The following GTF2F2 variants were observed in gnomAD, a reference collection of about 807,000 sequenced individuals.
GTF2F2 encodes ATP-dependent helicase GTF2F2.
In GTF2F2, 23 loss-of-function variants were observed where a neutral mutation model predicts 42.2. The observed-to-expected ratio is 0.55, with a 90% CI of 0.39 to 0.77. The LOEUF (loss-of-function observed/expected upper bound fraction) is 0.77, where lower values mean the gene tolerates loss of function less well. GTF2F2 is among the 30% of genes least tolerant of loss of function. The probability of loss-of-function intolerance (pLI) is 0.00; values close to 1 mark genes in which losing one functional copy is unlikely to be tolerated. For missense variants in GTF2F2, 261 were observed against 287.2 expected (o/e 0.91, Z 0.66); for synonymous variants, 105 against 100.8 (o/e 1.04, Z -0.25).
intron 5 of GTF2F2, among the ~76,000 whole-genome samples, chr13:45,244,546 T>C (rs2138237754): frequency 6.6e-6 from 1 of 152,360 alleles, no homozygotes; most frequent in Non-Finnish European, 1.5e-5. Flanking sequence ...ACTTACTCTT[T>C]AGATAATAAT....
chr13:45,218,191 G>T (rs1282301568), intron 5 of GTF2F2, among the ~76,000 whole-genome samples: 14 of 152,190 alleles, frequency 9.2e-5, no homozygotes, highest in Admixed American at 9.2e-4. Context: ...GGCCAAATGG[G>T]CAGATCTGAC....
chr13:45,187,944 T>A (rs1314083347), intron 4 of GTF2F2, among the ~76,000 whole-genome samples: 1 of 152,242 alleles, frequency 6.6e-6, no homozygotes. Flanking sequence ...AGTCTCACTC[T>A]GTTGCCCAGG....
At chr13:45,242,935 T>C (rs1333600158) in intron 5 of GTF2F2, among the ~76,000 whole-genome samples, 2 of 152,330 alleles carry the variant, frequency 1.3e-5, no homozygotes, top group East Asian at 1.9e-4. Flanking sequence ...GTCTTACCAG[T>C]GTTCATCCTG....
intron 4 of GTF2F2, among the ~76,000 whole-genome samples, chr13:45,166,189 A>T (rs1871290880): frequency 6.6e-6 from 1 of 152,242 alleles, no homozygotes; most frequent in African/African-American, 2.4e-5. Flanking sequence ...ACCTAAAAAA[A>T]TTAACAATTC....
At chr13:45,170,706 T>C (rs17066504) in intron 4 of GTF2F2, among the ~76,000 whole-genome samples, 6,962 of 152,250 alleles carry the variant, frequency 0.046, 499 homozygotes, top group African/African-American at 0.15. Context: ...GACTAGGGGC[T>C]GCAGTCAGAG....
At chr13:45,126,991 A>G (rs557535310) in intron 1 of GTF2F2, among the ~76,000 whole-genome samples, 2 of 152,204 alleles carry the variant, frequency 1.3e-5, no homozygotes, top group Admixed American at 1.3e-4. Context: ...ACACAGATAC[A>G]TCGTAAGTGA....
chr13:45,148,234 T>A (rs1242250354), intron 2 of GTF2F2, among the ~76,000 whole-genome samples: 1 of 152,200 alleles, frequency 6.6e-6, no homozygotes, highest in African/African-American at 2.4e-5. Flanking sequence ...TCTGTATATA[T>A]TTTCTAGTGC....
intron 5 of GTF2F2, among the ~76,000 whole-genome samples, chr13:45,243,475 C>A (rs995100456): frequency 6.6e-6 from 1 of 152,308 alleles, no homozygotes; most frequent in East Asian, 1.9e-4. Flanking sequence ...ATTTGCCACA[C>A]CCTCCACGCT....
chr13:45,155,393 G>A (rs1360463596), intron 4 of GTF2F2, among the ~76,000 whole-genome samples: 1 of 152,158 alleles, frequency 6.6e-6, no homozygotes, highest in Non-Finnish European at 1.5e-5. Context: ...ATAAAATGTA[G>A]AGTTTGTAAG....
chr13:45,237,228 C>A (rs894093807), intron 5 of GTF2F2, among the ~76,000 whole-genome samples: 1 of 152,128 alleles, frequency 6.6e-6, no homozygotes, highest in African/African-American at 2.4e-5. Flanking sequence ...CTTCCATGAA[C>A]ATTGCATGTT....
intron 2 of GTF2F2, among the ~76,000 whole-genome samples, chr13:45,141,541 G>T (rs1869926369): frequency 6.6e-6 from 1 of 152,186 alleles, no homozygotes; most frequent in Non-Finnish European, 1.5e-5. Flanking sequence ...AGATGTGTGT[G>T]TAGGGGTAGG....
intron 4 of GTF2F2, among the ~76,000 whole-genome samples, chr13:45,158,098 T>C (rs1870854518): frequency 6.6e-6 from 1 of 152,196 alleles, no homozygotes; most frequent in Non-Finnish European, 1.5e-5. Flanking sequence ...GGATACCACT[T>C]GATATGGTTT....
intron 5 of GTF2F2, among the ~76,000 whole-genome samples, 155 bp downstream of exon 5, chr13:45,207,660 T>G (rs1873473303): frequency 6.6e-6 from 1 of 152,234 alleles, no homozygotes; most frequent in Non-Finnish European, 1.5e-5. Context: ...AAGAGTTTCT[T>G]TGGCACTAAA....
chr13:45,205,100 A>T (rs1873359257), intron 4 of GTF2F2, among the ~76,000 whole-genome samples: 1 of 152,232 alleles, frequency 6.6e-6, no homozygotes, highest in South Asian at 2.1e-4. Context: ...GCATTCACTT[A>T]GTAAAAGGTA....
intron 4 of GTF2F2, among the ~76,000 whole-genome samples, chr13:45,152,703 A>G (rs1452264339): frequency 4.6e-5 from 7 of 152,344 alleles, no homozygotes; most frequent in Admixed American, 6.5e-5. Context: ...TAACAGTTCA[A>G]TAGATCAGAA....
intron 1 of GTF2F2, among the ~76,000 whole-genome samples, chr13:45,131,245 G>C (rs954434494): frequency 1.3e-5 from 2 of 151,862 alleles, no homozygotes; most frequent in African/African-American, 4.8e-5. Flanking sequence ...GAAGAGGGGG[G>C]ATCCAAGGAC....
At chr13:45,219,638 T>C (rs1874029101) in intron 5 of GTF2F2, 1 of 152,230 alleles carries the variant, frequency 6.6e-6, no homozygotes, top group African/African-American at 2.4e-5. Flanking sequence ...TTAAATGATT[T>C]TACGAGTCTG....
chr13:45,266,071 AG>A (rs1876548344), intron 6 of GTF2F2, among the ~76,000 whole-genome samples: 1 of 152,250 alleles, frequency 6.6e-6, no homozygotes, highest in African/African-American at 2.4e-5. Context: ...GAACAGTCCC[AG>A]GATGGTAACA....
intron 4 of GTF2F2, among the ~76,000 whole-genome samples, chr13:45,199,696 A>G (rs908015889): frequency 6.6e-6 from 1 of 152,234 alleles, no homozygotes; most frequent in Non-Finnish European, 1.5e-5. Context: ...TGGGAAGAAG[A>G]TATTTTAAGC....
Sources: gnomAD v4.1 joint callset for allele counts (sites outside exome capture counted in the v4.1 genomes callset) on GRCh38, gnomAD v4.1.1 for gene constraint, MANE v1.5 for transcripts, NCBI Gene and HGNC (gene_info 2026-07-23, HGNC 2026-07-21) for gene names.